Variants in OSBPL8 observed in about 807,000 individuals in gnomAD.
OSBPL8 encodes the protein oxysterol-binding protein-related protein 8.
OSBPL8 carries 59 observed loss-of-function variants against 125.5 expected under a neutral mutation model. The observed-to-expected ratio is 0.47, with a 90% CI of 0.38 to 0.58. The LOEUF (loss-of-function observed/expected upper bound fraction) is 0.58. Among genes scored for constraint, OSBPL8 ranks in the 20% least tolerant of loss-of-function variants. The pLI is 0.00. For synonymous variants in OSBPL8, 330 were observed against 338.9 expected (o/e 0.97, Z 0.29); for missense variants, 758 against 1,047.8 (o/e 0.72, Z 3.82).
At chr12:76,371,344 C>G in intron 19 of OSBPL8, 104 bp downstream of exon 19, 2 of 1,241,578 alleles carry the variant, frequency 1.6e-6, no homozygotes, top group South Asian at 4.6e-5. Context: ...AACTATTTTG[C>G]TGAATTAAGA....
chr12:76,510,721 A>T (rs1254629234), intron 1 of OSBPL8, among the ~76,000 whole-genome samples: 3 of 152,050 alleles, frequency 2.0e-5, no homozygotes, highest in Non-Finnish European at 4.4e-5. Flanking sequence ...CTCTACTAAA[A>T]AATACAAAAA....
chr12:76,482,840 A>C (rs1393592964), intron 2 of OSBPL8, among the ~76,000 whole-genome samples: 1 of 152,242 alleles, frequency 6.6e-6, no homozygotes, highest in Non-Finnish European at 1.5e-5. Context: ...GTGGCATATA[A>C]GTACCACATA....
intron 3 of OSBPL8, among the ~76,000 whole-genome samples, chr12:76,457,006 C>T (rs1412418768): frequency 6.6e-6 from 1 of 152,164 alleles, no homozygotes; most frequent in Non-Finnish European, 1.5e-5. Flanking sequence ...AACAGTGGTA[C>T]TTCACATGGG....
chr12:76,533,963 A>T (rs1358653220), intron 1 of OSBPL8, among the ~76,000 whole-genome samples: 1 of 152,216 alleles, frequency 6.6e-6, no homozygotes, highest in Non-Finnish European at 1.5e-5. Context: ...GTGAAATAAA[A>T]CATTCATATA....
At chr12:76,359,565 G>A (rs759841406) in intron 21 of OSBPL8, among the ~76,000 whole-genome samples, 1 of 152,164 alleles carries the variant, frequency 6.6e-6, no homozygotes, top group Non-Finnish European at 1.5e-5. Context: ...AGAAAGACAA[G>A]ATGTATTAGT....
intron 21 of OSBPL8, among the ~76,000 whole-genome samples, chr12:76,367,092 C>G (rs931272596): frequency 6.6e-6 from 1 of 152,124 alleles, no homozygotes; most frequent in Non-Finnish European, 1.5e-5. Context: ...AATCCCTTTC[C>G]TCCTTATTGA....
chr12:76,490,689 A>C (rs1277383645), intron 1 of OSBPL8, among the ~76,000 whole-genome samples: 1 of 152,212 alleles, frequency 6.6e-6, no homozygotes, highest in Non-Finnish European at 1.5e-5. Flanking sequence ...AGAGCTTGGG[A>C]GCCACAAGTG....
chr12:76,450,767 T>G, intron 4 of OSBPL8, 84 bp downstream of exon 4: 13 of 1,338,616 alleles, frequency 9.7e-6, no homozygotes, highest in Middle Eastern at 1.9e-4. Flanking sequence ...AAAAATATGA[T>G]AGTCCCCAAA....
chr12:76,369,897 A>C, intron 19 of OSBPL8, 75 bp from the exon 20 acceptor site: 41 of 1,304,740 alleles, frequency 3.1e-5, no homozygotes, highest in Non-Finnish European at 4.1e-5. Context: ...TAGGCCTCAA[A>C]TCCCTTGTAG....
chr12:76,428,006 T>C (rs768590470), intron 4 of OSBPL8, among the ~76,000 whole-genome samples: 3 of 152,062 alleles, frequency 2.0e-5, no homozygotes, highest in Non-Finnish European at 2.9e-5. Flanking sequence ...TTATTTACTA[T>C]GTTTTGGGTA....
At chr12:76,440,523 C>G (rs892923525) in intron 4 of OSBPL8, among the ~76,000 whole-genome samples, 5 of 152,082 alleles carry the variant, frequency 3.3e-5, no homozygotes, top group Non-Finnish European at 7.4e-5. Flanking sequence ...ATAACCCAAA[C>G]TGTTTTAAAC....
chr12:76,556,988 T>G (rs1951122849), intron 1 of OSBPL8, among the ~76,000 whole-genome samples: 1 of 152,140 alleles, frequency 6.6e-6, no homozygotes, highest in South Asian at 2.1e-4. Flanking sequence ...TTATTCAAGT[T>G]GTGTTTCTGT....
At chr12:76,390,149 C>A in intron 11 of OSBPL8, 1 of 424,998 alleles carries the variant, frequency 2.4e-6, no homozygotes, top group Non-Finnish European at 4.1e-6. Context: ...CAACTTTGCA[C>A]CTGGCAATGA....
At position 76,532,628 on chromosome 12, in the gene OSBPL8, C is replaced by T. The variant is rs567098894; in HGVS notation, c.-68+26769G>A. ...CCATTTCCCCTTCCTCTGTTAACAT[C>T]CACCTTGATCTTCTTTTGGGAAAGG... On this transcript the variant is annotated intron_variant, in intron 1 of 23. Coordinates refer to ENST00000261183, the MANE Select transcript of OSBPL8 (RefSeq NM_020841.5). Among the ~76,000 whole-genome samples the T allele has an allele frequency of 2.7e-4, 41 of 152,160 alleles. 1 individual carries two copies. The highest frequency in any genetic ancestry group is 1.0e-3 in the South Asian group (5 of 4,808).
At chr12:76,373,285 A>AT (rs71311107) in intron 18 of OSBPL8, 59 bp downstream of exon 18, 508,402 of 916,222 alleles carry the variant, frequency 0.55, 116,114 homozygotes, top group East Asian at 0.77. Flanking sequence ...TTTAAATGTG[A>AT]TTTTTTTTTT....
At chr12:76,504,251 C>T (rs1459573277) in intron 1 of OSBPL8, among the ~76,000 whole-genome samples, 1 of 151,956 alleles carries the variant, frequency 6.6e-6, no homozygotes, top group African/African-American at 2.4e-5. Flanking sequence ...GTGTGTGTGT[C>T]CCCACATACT....
At chr12:76,359,909 C>T (rs1279115407) in intron 21 of OSBPL8, among the ~76,000 whole-genome samples, 3 of 152,168 alleles carry the variant, frequency 2.0e-5, no homozygotes, top group African/African-American at 7.2e-5. Context: ...GTCCCTCCCA[C>T]AACACGTGGG....
chr12:76,515,515 G>C (rs1337722341), intron 1 of OSBPL8, among the ~76,000 whole-genome samples: 1 of 152,124 alleles, frequency 6.6e-6, no homozygotes, highest in African/African-American at 2.4e-5. Flanking sequence ...CGGATGGGTG[G>C]CTCCGCAATT....
At chr12:76,516,932 G>A (rs532000054) in intron 1 of OSBPL8, among the ~76,000 whole-genome samples, 1 of 150,800 alleles carries the variant, frequency 6.6e-6, no homozygotes, top group African/African-American at 2.4e-5. Context: ...CTCCTGTCTC[G>A]CCTCCTGAGT....
Sources: allele counts gnomAD v4.1 joint callset (sites outside exome capture counted in the v4.1 genomes callset), GRCh38; gene constraint gnomAD v4.1.1; transcripts MANE v1.5; gene names NCBI Gene and HGNC (gene_info 2026-07-23, HGNC 2026-07-21).